Variants in CFAP61 observed in about 807,000 individuals in gnomAD.
CFAP61 encodes cilia and flagella associated protein 61.
In CFAP61, 107 loss-of-function variants were observed where a neutral mutation model predicts 135.6. That is an observed-to-expected ratio of 0.79 (90% CI 0.67 to 0.93). The LOEUF is 0.93. CFAP61 is among the 40% of genes least tolerant of loss of function. The pLI is 0.00. For missense variants in CFAP61, 1,507 were observed against 1,556.2 expected, an observed-to-expected ratio of 0.97 and a Z score of 0.53; for synonymous variants, 575 against 578.5, an observed-to-expected ratio of 0.99 and a Z score of 0.09.
intron 6 of CFAP61, among the ~76,000 whole-genome samples, chr20:20,077,192 C>T (rs2046114495): frequency 6.6e-6 from 1 of 152,156 alleles, no homozygotes; most frequent in Non-Finnish European, 1.5e-5. Context: ...ATGTTGTTTA[C>T]CCTTATAAAC....
At chr20:20,221,784 T>C (rs1409792140) in intron 17 of CFAP61, 1 of 152,240 alleles carries the variant, frequency 6.6e-6, no homozygotes, top group Non-Finnish European at 1.5e-5. Context: ...ATTCCTCCAA[T>C]GACTAATATT....
Position 20,345,421 on chromosome 20 carries a change from T to A in CFAP61, c.3513+3500T>A, listed in dbSNP as rs180752349. Among the ~76,000 whole-genome samples, 1,177 of 152,342 alleles carry A rather than the reference T, an allele frequency of 7.7e-3. 15 individuals carry two copies. The highest frequency in any genetic ancestry group is 0.025 in the African/African-American group (1,052 of 41,562). On this transcript the variant is annotated intron_variant, in intron 26 of 26. Coordinates refer to ENST00000245957, the MANE Select transcript of CFAP61 (RefSeq NM_015585.4). ...TCATAATAATTAAAATTAATTTTTTTAAAATATTCAAATGATGTAAACCAT... is the reference window on the plus strand; with the variant it reads ...TCATAATAATTAAAATTAATTTTTTAAAAATATTCAAATGATGTAAACCAT...
Position 20,251,598 on chromosome 20 carries a change from C to T in CFAP61, c.2163C>T (p.His721=). 6.2e-7 allele frequency: 1 copy of T among 1,613,990 alleles called. No individual in the cohort carries two copies. Among genetic ancestry groups the T allele is most frequent in the Non-Finnish European group, 8.5e-7 (1 of 1,179,954 alleles). ...TEQRKFLASD[H]CFNDKDYALM... ...TACGGAGCTTCTCTCTTTGCAGCCACTGTTTTAATGATAAAGATTATGCAC... is the reference window on the plus strand; with the variant it reads ...TACGGAGCTTCTCTCTTTGCAGCCATTGTTTTAATGATAAAGATTATGCAC... The change falls in exon 20 of 27, where the codon CAC becomes CAT. Residue 721 remains histidine (H), a synonymous_variant. Transcript: ENST00000245957.
intron 2 of CFAP61, among the ~76,000 whole-genome samples, chr20:20,061,370 T>G (rs988899699): frequency 2.0e-5 from 3 of 152,180 alleles, no homozygotes; most frequent in Admixed American, 6.5e-5. Flanking sequence ...CATTAAAAGA[T>G]TAAGAATGGC....
intron 25 of CFAP61, among the ~76,000 whole-genome samples, chr20:20,321,096 TA>T (rs978903348): frequency 2.0e-5 from 3 of 152,098 alleles, no homozygotes; most frequent in African/African-American, 7.2e-5. Context: ...ATTGCATTGT[TA>T]AAATAATGTA....
intron 15 of CFAP61, among the ~76,000 whole-genome samples, chr20:20,191,880 C>T (rs1001135970): frequency 3.3e-5 from 5 of 151,980 alleles, no homozygotes; most frequent in African/African-American, 7.3e-5. Flanking sequence ...ATAATCCATT[C>T]GTTCCCTTTT....
intron 17 of CFAP61, chr20:20,200,809 C>T: frequency 1.0e-6 from 1 of 985,418 alleles, no homozygotes. Context: ...AGGACATCAC[C>T]CGACCCAGAG....
At position 20,128,264 on chromosome 20, in the gene CFAP61, GT is replaced by G. The variant is rs1432430940; in HGVS notation, c.860-14588del. On this transcript the variant is annotated intron_variant, in intron 8 of 26. Transcript: ENST00000245957. ...CTGAAGATTTCCTTCTCCCCGTGGT[GT>G]TTTTCCCCACTCCTCTGGCCGCCCT... Among the ~76,000 whole-genome samples the G allele has an allele frequency of 2.6e-5, 4 of 151,840 alleles. No individual in the cohort carries two copies. In the East Asian group the frequency reaches 7.8e-4, roughly 29 times the overall value.
intron 9 of CFAP61, among the ~76,000 whole-genome samples, chr20:20,153,899 C>T (rs1423091623): frequency 6.6e-6 from 1 of 151,836 alleles, no homozygotes; most frequent in East Asian, 1.9e-4. Context: ...CGGGAAAGGA[C>T]ATAACCAAAA....
chr20:20,149,342 G>A (rs2052199340), intron 9 of CFAP61, among the ~76,000 whole-genome samples: 1 of 152,220 alleles, frequency 6.6e-6, no homozygotes, highest in Non-Finnish European at 1.5e-5. Context: ...GAAGATGGCA[G>A]ATAGGAAACA....
chr20:20,298,473 G>T (rs112161929), intron 25 of CFAP61, 87 bp downstream of exon 25: 1 of 1,158,448 alleles, frequency 8.6e-7, no homozygotes, highest in Non-Finnish European at 1.2e-6. Flanking sequence ...TGATGCACCC[G>T]AGAGCAAAAC....
intron 26 of CFAP61, among the ~76,000 whole-genome samples, chr20:20,346,645 G>A (rs1156268247): frequency 6.6e-6 from 1 of 152,110 alleles, no homozygotes; most frequent in Non-Finnish European, 1.5e-5. Flanking sequence ...TGCAGGCAAA[G>A]CCACAGCATC....
chr20:20,304,491 G>A (rs2056333852), intron 25 of CFAP61, among the ~76,000 whole-genome samples: 1 of 151,140 alleles, frequency 6.6e-6, no homozygotes, highest in Admixed American at 6.6e-5. Flanking sequence ...GCCCCCACAG[G>A]CCTCGCTCAT....
intron 6 of CFAP61, among the ~76,000 whole-genome samples, chr20:20,076,876 C>G (rs1394097035): frequency 6.6e-6 from 1 of 152,108 alleles, no homozygotes; most frequent in African/African-American, 2.4e-5. Context: ...AACGTGACAT[C>G]TGCGGGGGTG....
chr20:20,060,425 C>T (rs1425789277), intron 2 of CFAP61, among the ~76,000 whole-genome samples: 1 of 152,028 alleles, frequency 6.6e-6, no homozygotes, highest in Non-Finnish European at 1.5e-5. Context: ...ATAGGTAAAT[C>T]TAAGAAAAAG....
intron 26 of CFAP61, among the ~76,000 whole-genome samples, chr20:20,353,078 G>C (rs1271736676): frequency 1.3e-5 from 2 of 152,156 alleles, no homozygotes; most frequent in African/African-American, 4.8e-5. Flanking sequence ...CAAAGGACCT[G>C]AATAGACACT....
At chr20:20,301,714 A>G (rs1376492081) in intron 25 of CFAP61, among the ~76,000 whole-genome samples, 1 of 152,212 alleles carries the variant, frequency 6.6e-6, no homozygotes, top group African/African-American at 2.4e-5. Context: ...CTGTCTTCTC[A>G]TTACTAATTC....
At chr20:20,286,901 A>G (rs2054623397) in intron 22 of CFAP61, among the ~76,000 whole-genome samples, 1 of 152,256 alleles carries the variant, frequency 6.6e-6, no homozygotes, top group Non-Finnish European at 1.5e-5. Flanking sequence ...AGGCTTAATT[A>G]GAGAAAGAAA....
intron 2 of CFAP61, among the ~76,000 whole-genome samples, chr20:20,062,340 G>A (rs2044869744): frequency 6.6e-6 from 1 of 152,188 alleles, no homozygotes; most frequent in African/African-American, 2.4e-5. Flanking sequence ...CACTAAATTT[G>A]GGATAATCTG....
Sources: gnomAD v4.1 joint callset for allele counts (sites outside exome capture counted in the v4.1 genomes callset) on GRCh38, gnomAD v4.1.1 for gene constraint, MANE v1.5 for transcripts, NCBI Gene and HGNC (gene_info 2026-07-23, HGNC 2026-07-21) for gene names.